The following MRPS27 variants were observed in gnomAD, a reference collection of about 807,000 sequenced individuals.
MRPS27 encodes the protein mitochondrial ribosomal protein S27, also known as small ribosomal subunit protein mS27.
In MRPS27, 43 loss-of-function variants were observed where a neutral mutation model predicts 48.9. The observed-to-expected ratio is 0.88, with a 90% CI of 0.69 to 1.13. The LOEUF (loss-of-function observed/expected upper bound fraction) is 1.13. Among genes scored for constraint, MRPS27 ranks in the 50% most tolerant of loss-of-function variants. The pLI is 0.00. For synonymous variants in MRPS27, 188 were observed against 171.9 expected (o/e 1.09, Z -0.73); for missense variants, 467 against 476.3 (o/e 0.98, Z 0.18).
chr5:72,278,247 C>T (rs2112028842), intron 4 of MRPS27, among the ~76,000 whole-genome samples: 1 of 152,056 alleles, frequency 6.6e-6, no homozygotes, highest in African/African-American at 2.4e-5. Context: ...TTGAGACCAT[C>T]CTGGCTAACA....
intron 4 of MRPS27, among the ~76,000 whole-genome samples, chr5:72,280,257 T>C (rs185623153): frequency 4.6e-5 from 7 of 152,314 alleles, no homozygotes; most frequent in Admixed American, 3.9e-4. Context: ...CCCAAAAATT[T>C]CTGCTGAGAT....
intron 7 of MRPS27, among the ~76,000 whole-genome samples, chr5:72,230,745 A>T (rs1042912600): frequency 1.3e-5 from 2 of 152,298 alleles, no homozygotes; most frequent in South Asian, 4.1e-4. Context: ...TCAGAGTCAC[A>T]TTAATGATTT....
chr5:72,261,725 G>A (rs533567652), intron 4 of MRPS27, among the ~76,000 whole-genome samples: 4 of 152,126 alleles, frequency 2.6e-5, no homozygotes, highest in African/African-American at 4.8e-5. Flanking sequence ...TGTTATGTCC[G>A]TACTATAAAA....
At chr5:72,311,346 G>C (rs1383174443) in intron 2 of MRPS27, among the ~76,000 whole-genome samples, 4 of 151,624 alleles carry the variant, frequency 2.6e-5, no homozygotes, top group African/African-American at 4.8e-5. Context: ...GAGAGAGAAA[G>C]CAAAAACAAA....
chr5:72,226,157 T>G lies in MRPS27; in HGVS notation c.737A>C (p.Asn246Thr). 1 of 1,613,826 alleles carries G rather than the reference T, an allele frequency of 6.2e-7. No individual in the cohort carries two copies. The change falls in exon 9 of 11, where the codon AAC becomes ACC. Residue 246 changes from asparagine (N) to threonine (T), a missense_variant. By Grantham distance (65) the Asn-to-Thr change is moderately conservative. Transcript: ENST00000261413. ...GCCTGGTTTCCATATCAGAGGCATG[T>G]TGTGGTACACAGCCCGTAGCCCTTG... is the stretch of plus-strand genomic sequence containing the variant. ...LQQGLRAVYH[N>T]MPLIWKPGYL...
chr5:72,304,986 GTT>G (rs1750222232), intron 2 of MRPS27, among the ~76,000 whole-genome samples: 1 of 152,090 alleles, frequency 6.6e-6, no homozygotes, highest in Non-Finnish European at 1.5e-5. Flanking sequence ...GGCTGAAACT[GTT>G]TTTGTTTCCC....
At position 72,223,719 on chromosome 5, in the gene MRPS27, C is replaced by T. The variant is rs772042178; in HGVS notation, c.969G>A (p.Glu323=). The T allele has an allele frequency of 1.2e-6, 2 of 1,614,020 alleles. No individual in the cohort carries two copies. Among genetic ancestry groups the T allele is most frequent in the African/African-American group, 2.7e-5 (2 of 75,028 alleles). The stretch of plus-strand genomic sequence containing the variant: ...CCAGGTATTGAGGAAGCTTGGACTG[C>T]TCTGTTTCCTCGATGTCTAACTGCT... ...LVEQLDIEET[E]QSKLPQYLER... is the part of the protein sequence containing the mutation. The change falls in exon 10 of 11, where the codon GAG becomes GAA. Residue 323 remains glutamate, a synonymous_variant. Transcript: ENST00000261413.
At chr5:72,223,928 G>A (rs898544029) in intron 9 of MRPS27, 78 bp from the exon 10 acceptor site, 4 of 1,402,328 alleles carry the variant, frequency 2.9e-6, no homozygotes, top group South Asian at 1.3e-5. Flanking sequence ...TAGAGAAGGC[G>A]AAAGAAAGGA....
intron 4 of MRPS27, among the ~76,000 whole-genome samples, chr5:72,248,784 G>A (rs1748579224): frequency 6.7e-6 from 1 of 150,294 alleles, no homozygotes; most frequent in Non-Finnish European, 1.5e-5. Context: ...TGCAGAAGTT[G>A]CTATTGTTTG....
chr5:72,253,566 C>G (rs1229056922), intron 4 of MRPS27, among the ~76,000 whole-genome samples: 1 of 152,112 alleles, frequency 6.6e-6, no homozygotes, highest in Non-Finnish European at 1.5e-5. Context: ...CTTTAACAAC[C>G]CTTTCACTTC....
At chr5:72,228,491 G>C in intron 7 of MRPS27, 123 bp from the exon 8 acceptor site, 1 of 625,752 alleles carries the variant, frequency 1.6e-6, no homozygotes, top group Non-Finnish European at 2.7e-6. Flanking sequence ...GAAGAACAAA[G>C]CTATATATAC....
chr5:72,226,191 C>T lies in MRPS27; in HGVS notation c.703G>A (p.Glu235Lys). 1 of 1,613,660 alleles carries T rather than the reference C, an allele frequency of 6.2e-7. No homozygotes were observed. The highest frequency in any genetic ancestry group is 8.5e-7 in the Non-Finnish European group (1 of 1,179,696). ...ACAGCCCGTAGCCCTTGCTGCAACT[C>T]CACCTTCCCTGTGGCCAAAAAGAAC... Reference protein sequence around the residue: ...LYGYALLGKVELQQGLRAVYH... With the variant: ...LYGYALLGKVKLQQGLRAVYH... The change falls in exon 9 of 11, where the codon GAG becomes AAG. Residue 235 changes from glutamate (E) to lysine (K), a missense_variant. Transcript: ENST00000261413.
intron 4 of MRPS27, among the ~76,000 whole-genome samples, chr5:72,262,366 C>T (rs939225648): frequency 3.3e-5 from 5 of 151,884 alleles, no homozygotes; most frequent in African/African-American, 1.2e-4. Flanking sequence ...TTGTGAGGCC[C>T]GTTGTCTTAC....
At chr5:72,288,463 G>A (rs924634844) in intron 4 of MRPS27, among the ~76,000 whole-genome samples, 3 of 152,146 alleles carry the variant, frequency 2.0e-5, no homozygotes, top group East Asian at 1.9e-4. Context: ...TGCCCGCCTC[G>A]GCTCCCAAAG....
Position 72,274,706 on chromosome 5 carries a change from A to G in MRPS27, c.281+20825T>C, listed in dbSNP as rs553830204. ...GTAATTGTTTGTGCTATGCTTTTATATGAGTGGCAGCAGAGTAGGACTCTT... is the reference window on the plus strand; with the variant it reads ...GTAATTGTTTGTGCTATGCTTTTATGTGAGTGGCAGCAGAGTAGGACTCTT... On this transcript the variant is annotated intron_variant, in intron 4 of 10. Transcript: ENST00000261413. Among the ~76,000 whole-genome samples, 3 of 152,350 alleles carry G rather than the reference A, an allele frequency of 2.0e-5. 1 individual carries two copies. In the South Asian group the frequency reaches 6.2e-4, roughly 32 times the overall value.
intron 4 of MRPS27, chr5:72,241,523 A>G: frequency 1.1e-6 from 1 of 942,562 alleles, no homozygotes; most frequent in Non-Finnish European, 1.6e-6. Flanking sequence ...TCAATTTTGG[A>G]TGGCAAGTTT....
At chr5:72,239,371 G>A (rs1748291874) in intron 4 of MRPS27, among the ~76,000 whole-genome samples, 1 of 152,180 alleles carries the variant, frequency 6.6e-6, no homozygotes, top group Admixed American at 6.5e-5. Context: ...GCTCTGGTGA[G>A]AGATTTGGCA....
At chr5:72,306,748 C>T (rs1394773090) in intron 2 of MRPS27, among the ~76,000 whole-genome samples, 4 of 152,060 alleles carry the variant, frequency 2.6e-5, no homozygotes, top group African/African-American at 7.2e-5. Context: ...TGATTAATTA[C>T]GTTTTTAAAA....
At chr5:72,245,448 C>T (rs1310438205) in intron 4 of MRPS27, among the ~76,000 whole-genome samples, 1 of 152,096 alleles carries the variant, frequency 6.6e-6, no homozygotes, top group Non-Finnish European at 1.5e-5. Context: ...CTGATGTCTC[C>T]TAAAGCTTTG....
Sources: gnomAD v4.1 joint callset for allele counts (sites outside exome capture counted in the v4.1 genomes callset) on GRCh38, gnomAD v4.1.1 for gene constraint, MANE v1.5 for transcripts, NCBI Gene and HGNC (gene_info 2026-07-23, HGNC 2026-07-21) for gene names.